PCDHGA8: variants seen among roughly 807,000 people sequenced by gnomAD.
PCDHGA8 encodes protocadherin gamma-A8.
In PCDHGA8, 45 loss-of-function variants were observed where a neutral mutation model predicts 59.2. The ratio of observed to expected loss-of-function variants is 0.76; its 90% CI spans 0.60 to 0.98. PCDHGA8 has a LOEUF of 0.98. PCDHGA8 is among the 50% of genes least tolerant of loss of function. The pLI, the probability that PCDHGA8 is intolerant of heterozygous loss-of-function variation, is 0.00. For synonymous variants in PCDHGA8, 531 were observed against 519.0 expected, an observed-to-expected ratio of 1.02 and a Z score of -0.32; for missense variants, 1,257 against 1,196.2, an observed-to-expected ratio of 1.05 and a Z score of -0.75.
At chr5:141,445,364 C>T (rs1374418361) in intron 1 of PCDHGA8, among the ~76,000 whole-genome samples, 1 of 152,158 alleles carries the variant, frequency 6.6e-6, no homozygotes, top group African/African-American at 2.4e-5. Flanking sequence ...CAAGTCTGGT[C>T]CTGGGTGGTT....
intron 1 of PCDHGA8, among the ~76,000 whole-genome samples, chr5:141,475,732 C>T (rs2099367914): frequency 6.6e-6 from 1 of 152,248 alleles, no homozygotes; most frequent in Non-Finnish European, 1.5e-5. Context: ...GCTGGCTTTC[C>T]CTAAGGTAGG....
At chr5:141,398,905 A>C in intron 1 of PCDHGA8, 1 of 1,613,984 alleles carries the variant, frequency 6.2e-7, no homozygotes, top group Non-Finnish European at 8.5e-7. Context: ...ACCAGGCACC[A>C]CTGTGTTGCA....
In PCDHGA8 at chr5:141,415,757, T is replaced by G. The variant is rs765276447; in HGVS notation, c.2424+20520T>G. The G allele has an allele frequency of 5.6e-3, 7,497 of 1,346,942 alleles. 12 individuals are homozygous for G. The highest frequency in any genetic ancestry group is 0.012 in the East Asian group (422 of 35,004). The allele number at this position is 1,346,942 out of a possible 1,614,324, so 83.4% of individuals were successfully genotyped here. A position where few individuals can be genotyped will look rare whatever the true frequency, so the allele number is the denominator to read the frequency against. ...TTATTAAGGTTTTTTTTTTTTTTTT[T>G]TTTTTTTTTTTTTTTACTTTCTGGT... On this transcript the variant is annotated intron_variant, in intron 1 of 3. Coordinates refer to ENST00000398604, the MANE Select transcript of PCDHGA8 (RefSeq NM_032088.2).
chr5:141,405,459 A>T, intron 1 of PCDHGA8: 2 of 1,229,452 alleles, frequency 1.6e-6, no homozygotes, highest in Non-Finnish European at 2.3e-6. Flanking sequence ...TTACTCTGTT[A>T]CCCAGGCTGG....
At chr5:141,424,720 G>A (rs530298674) in intron 1 of PCDHGA8, 4 of 152,090 alleles carry the variant, frequency 2.6e-5, no homozygotes, top group Non-Finnish European at 4.4e-5. Flanking sequence ...GTGTAGTTGG[G>A]AGTCATAGAT....
At chr5:141,419,017 A>G (rs1478763916) in intron 1 of PCDHGA8, 4 of 1,613,928 alleles carry the variant, frequency 2.5e-6, no homozygotes, top group Non-Finnish European at 3.4e-6. Flanking sequence ...GGTGTAGCTT[A>G]AGTAGAGGTG....
At chr5:141,443,392 T>A (rs151260637) in intron 1 of PCDHGA8, among the ~76,000 whole-genome samples, 1 of 151,662 alleles carries the variant, frequency 6.6e-6, no homozygotes, top group Non-Finnish European at 1.5e-5. Context: ...GGCTGAGGTG[T>A]GAGGATCACC....
intron 1 of PCDHGA8, chr5:141,415,704 T>G: frequency 7.4e-7 from 1 of 1,344,464 alleles, no homozygotes; most frequent in Non-Finnish European, 1.0e-6. Flanking sequence ...GTGTAAATGC[T>G]AAAACACTGA....
In PCDHGA8 at chr5:141,431,184, T is replaced by G. The variant is rs754537015; in HGVS notation, c.2424+35947T>G. The G allele has an allele frequency of 5.6e-6, 9 of 1,614,090 alleles. No homozygotes were observed. Among genetic ancestry groups the G allele is most frequent in the Non-Finnish European group, 6.8e-6 (8 of 1,180,050 alleles). ...CGTGAAAGTGAATTAGAAATAAAAA[T>G]TAGTGAAAATGCAGCCACTGAGATG... On this transcript the variant is annotated intron_variant, in intron 1 of 3. Transcript: ENST00000398604. The surrounding 1 kb of genome is among the most constrained non-coding windows in gnomAD (Gnocchi z 4.8).
chr5:141,434,724 C>T (rs2097712360), intron 1 of PCDHGA8, among the ~76,000 whole-genome samples: 2 of 151,800 alleles, frequency 1.3e-5, no homozygotes, highest in Admixed American at 1.3e-4. Flanking sequence ...GTTCAGGGCT[C>T]TCAGCTCTGA....
At chr5:141,422,604 T>C in intron 1 of PCDHGA8, 1 of 1,614,030 alleles carries the variant, frequency 6.2e-7, no homozygotes, top group Non-Finnish European at 8.5e-7. Flanking sequence ...CCTCTTACTC[T>C]GCCTACATTC....
Position 141,477,741 on chromosome 5 carries a change from G to A in PCDHGA8, c.2425-17066G>A, listed in dbSNP as rs1438249932. On this transcript the variant is annotated intron_variant, in intron 1 of 3. Transcript: ENST00000398604. The surrounding 1 kb of genome is among the most constrained non-coding windows in gnomAD (Gnocchi z 4.9). ...GAATTAACAGCTCATATCAGCGATG[G>A]GGGCACCCCGGTCCTAGCCACCAAC... is the stretch of plus-strand genomic sequence containing the variant. 4 of 1,613,802 alleles carry A rather than the reference G, an allele frequency of 2.5e-6. No individual in the cohort carries two copies. The highest frequency in any genetic ancestry group is 1.7e-5 in the Admixed American group (1 of 60,026).
At chr5:141,494,926 G>C in intron 2 of PCDHGA8, 61 bp downstream of exon 2, 2 of 1,613,498 alleles carry the variant, frequency 1.2e-6, no homozygotes, top group Non-Finnish European at 1.7e-6. Context: ...GGATGACGTG[G>C]GAGGAGATGG....
chr5:141,494,197 C>T (rs73794924), intron 1 of PCDHGA8, among the ~76,000 whole-genome samples: 1,654 of 152,242 alleles, frequency 0.011, 27 homozygotes, highest in African/African-American at 0.037. Flanking sequence ...CTTGGATGCC[C>T]CGCAAAGGCC....
chr5:141,510,813 C>G, intron 3 of PCDHGA8, 134 bp from the exon 4 acceptor site: 2 of 1,537,024 alleles, frequency 1.3e-6, no homozygotes, highest in Non-Finnish European at 1.8e-6. Context: ...CTTGGTGACC[C>G]CTATATTCCC....
chr5:141,403,254 G>A (rs2094383546), intron 1 of PCDHGA8: 3 of 1,613,830 alleles, frequency 1.9e-6, no homozygotes, highest in Non-Finnish European at 2.5e-6. Flanking sequence ...CAGAGCCCGC[G>A]GTGTCTGGTG....
chr5:141,476,083 T>C lies in PCDHGA8; in HGVS notation c.2425-18724T>C. 1 of 1,547,886 alleles carries C rather than the reference T, an allele frequency of 6.5e-7. No homozygotes were observed. The highest frequency in any genetic ancestry group is 8.7e-7 in the Non-Finnish European group (1 of 1,153,242). The stretch of plus-strand genomic sequence containing the variant: ...TCTCAGCGAAATCTCAGGGACGATC[T>C]GGACCCCGCTGAGAGGAACTGCTTT... On this transcript the variant is annotated intron_variant, in intron 1 of 3. Coordinates refer to ENST00000398604, the MANE Select transcript of PCDHGA8 (RefSeq NM_032088.2). This position sits in a 1 kb window ranked among gnomAD's most constrained non-coding sequence, Gnocchi z 7.6.
intron 1 of PCDHGA8, chr5:141,404,901 G>A: frequency 6.2e-7 from 1 of 1,613,848 alleles, no homozygotes; most frequent in African/African-American, 1.3e-5. Flanking sequence ...CAGGACCATG[G>A]CCAGCCCCCT....
chr5:141,500,216 ATT>A (rs1562194139), intron 2 of PCDHGA8, among the ~76,000 whole-genome samples: 8 of 149,244 alleles, frequency 5.4e-5, no homozygotes, highest in African/African-American at 2.0e-4. Flanking sequence ...TTATTTATTT[ATT>A]TATTTATTGA....
Sources: allele counts gnomAD v4.1 joint callset (sites outside exome capture counted in the v4.1 genomes callset), GRCh38; gene constraint gnomAD v4.1.1; non-coding constraint Gnocchi (gnomAD v3.1); transcripts MANE v1.5; gene names NCBI Gene and HGNC (gene_info 2026-07-23, HGNC 2026-07-21).